OTUD7B: variants seen among roughly 807,000 people sequenced by gnomAD.
OTUD7B encodes the protein OTU deubiquitinase 7B.
OTUD7B carries 34 observed loss-of-function variants against 82.2 expected under a neutral mutation model. The observed-to-expected ratio is 0.41, with a 90% CI of 0.31 to 0.55. The LOEUF is 0.55. Ranked by LOEUF, OTUD7B falls within the 20% of genes least tolerant of loss-of-function variation. OTUD7B has a pLI of 0.20. For synonymous variants in OTUD7B, 398 were observed against 402.7 expected (o/e 0.99, Z 0.14); for missense variants, 944 against 1,062.1 (o/e 0.89, Z 1.55).
At chr1:149,964,477 C>T (rs782337891) in intron 5 of OTUD7B, 128 bp from the exon 6 acceptor site, 87 of 768,748 alleles carry the variant, frequency 1.1e-4, no homozygotes, top group Non-Finnish European at 1.7e-4. Flanking sequence ...AGTGACCCCC[C>T]TGCCTTACCC....
chr1:150,040,032 T>C, the OTUD7B span, among the ~76,000 whole-genome samples: 1 of 152,222 alleles, frequency 6.6e-6, no homozygotes, highest in Non-Finnish European at 1.5e-5. Flanking sequence ...TAGCAGCAGT[T>C]ATAGCAGGCA....
chr1:149,973,858 ATTTT>A (rs1220689600), intron 2 of OTUD7B, among the ~76,000 whole-genome samples: 1 of 132,778 alleles, frequency 7.5e-6, no homozygotes. Flanking sequence ...GCCCCTTCTA[ATTTT>A]TTTTTTTTTT....
chr1:149,973,456 T>C (rs1650066226), intron 2 of OTUD7B, among the ~76,000 whole-genome samples: 1 of 152,112 alleles, frequency 6.6e-6, no homozygotes, highest in Non-Finnish European at 1.5e-5. Context: ...AATAGTCCTA[T>C]TGAAATACAA....
intron 1 of OTUD7B, among the ~76,000 whole-genome samples, chr1:150,009,098 A>G (rs1553786750): frequency 1.3e-5 from 2 of 152,210 alleles, no homozygotes; most frequent in Admixed American, 1.3e-4. Context: ...GACAAAGCGT[A>G]TAATTAATTC....
At chr1:150,035,661 T>C in the OTUD7B span, among the ~76,000 whole-genome samples, 1 of 152,172 alleles carries the variant, frequency 6.6e-6, no homozygotes, top group Non-Finnish European at 1.5e-5. Context: ...TAGCATTGTG[T>C]GCCAAGAACA....
rs1205773703 is a variant in OTUD7B at position 149,940,960 on chromosome 1, T to A, written c.*2897A>T. The A allele has an allele frequency of 1.3e-5, 2 of 151,884 alleles. No individual in the cohort carries two copies. Among genetic ancestry groups the A allele is most frequent in the African/African-American group, 2.4e-5 (1 of 41,310 alleles). The allele number at this position is 151,884 out of a possible 1,614,324, so 9.4% of individuals were successfully genotyped here. On this transcript the variant is annotated 3_prime_UTR_variant, in exon 12 of 12. Transcript: ENST00000581312. ...ATATCCATTGTCTCAGGGTCTCTCATCCTTAGAATGGAGAGGTTTTTCAAT... is the reference window on the plus strand; with the variant it reads ...ATATCCATTGTCTCAGGGTCTCTCAACCTTAGAATGGAGAGGTTTTTCAAT...
At chr1:149,945,981 AC>A (rs1317213437) in intron 11 of OTUD7B, among the ~76,000 whole-genome samples, 2 of 151,626 alleles carry the variant, frequency 1.3e-5, no homozygotes, top group Non-Finnish European at 2.9e-5. Context: ...AATCGCTTGA[AC>A]CCAGGAGGCG....
chr1:149,958,390 C>T (rs1422309519), intron 7 of OTUD7B, among the ~76,000 whole-genome samples: 3 of 114,086 alleles, frequency 2.6e-5, no homozygotes, highest in African/African-American at 6.8e-5. Context: ...TGCAGTGGCA[C>T]GAACTCGGCT....
At chr1:150,026,269 C>T in the OTUD7B span, among the ~76,000 whole-genome samples, 1 of 152,056 alleles carries the variant, frequency 6.6e-6, no homozygotes, top group East Asian at 1.9e-4. Flanking sequence ...TTCTGGGTGG[C>T]CATTTGCCAG....
chr1:150,012,169 G>A (rs1653101664), upstream of OTUD7B, among the ~76,000 whole-genome samples: 1 of 152,156 alleles, frequency 6.6e-6, no homozygotes, highest in South Asian at 2.1e-4. Flanking sequence ...AATTTAAGGA[G>A]GAGAGCAGGA....
At chr1:150,021,654 G>A in the OTUD7B span, among the ~76,000 whole-genome samples, 1 of 152,210 alleles carries the variant, frequency 6.6e-6, no homozygotes, top group African/African-American at 2.4e-5. Flanking sequence ...GATTTAATGA[G>A]AGAAGACACG....
At chr1:150,044,585 G>A in the OTUD7B span, among the ~76,000 whole-genome samples, 5 of 151,236 alleles carry the variant, frequency 3.3e-5, no homozygotes, top group South Asian at 6.3e-4. Flanking sequence ...TAGGAGAATC[G>A]CTTGAACCCA....
chr1:150,049,484 G>A, the OTUD7B span, among the ~76,000 whole-genome samples: 2 of 152,098 alleles, frequency 1.3e-5, no homozygotes, highest in African/African-American at 2.4e-5. Flanking sequence ...CATGAACAGA[G>A]GAAATTGTCA....
chr1:150,056,978 A>G, the OTUD7B span, among the ~76,000 whole-genome samples: 1 of 152,198 alleles, frequency 6.6e-6, no homozygotes. Context: ...TATGTTAATT[A>G]CAAGGAGAAA....
chr1:149,954,835 T>C (rs1221226778), intron 7 of OTUD7B, among the ~76,000 whole-genome samples: 2 of 152,214 alleles, frequency 1.3e-5, no homozygotes, highest in East Asian at 3.8e-4. Flanking sequence ...TGTATTGAGG[T>C]GTTTACAGTA....
chr1:150,061,397 A>C, the OTUD7B span, among the ~76,000 whole-genome samples: 1 of 152,190 alleles, frequency 6.6e-6, no homozygotes, highest in Non-Finnish European at 1.5e-5. Flanking sequence ...GCTAAATATG[A>C]ATATAGTATT....
chr1:149,980,068 C>T (rs1650609764), intron 1 of OTUD7B, among the ~76,000 whole-genome samples: 1 of 152,010 alleles, frequency 6.6e-6, no homozygotes, highest in African/African-American at 2.4e-5. Context: ...CATAGGCATA[C>T]AGGCAATTTC....
At chr1:150,051,449 C>T in the OTUD7B span, among the ~76,000 whole-genome samples, 1 of 151,774 alleles carries the variant, frequency 6.6e-6, no homozygotes, top group Admixed American at 6.6e-5. Context: ...AAACTCTGTA[C>T]TTTATTTAAC....
At chr1:150,048,283 A>G in the OTUD7B span, among the ~76,000 whole-genome samples, 2 of 152,232 alleles carry the variant, frequency 1.3e-5, no homozygotes, top group Admixed American at 1.3e-4. Flanking sequence ...GAGAATGAAC[A>G]AGCTATCCGT....
Sources: gnomAD v4.1 joint callset for allele counts (sites outside exome capture counted in the v4.1 genomes callset) on GRCh38, gnomAD v4.1.1 for gene constraint, MANE v1.5 for transcripts, NCBI Gene and HGNC (gene_info 2026-07-23, HGNC 2026-07-21) for gene names.